CSMD1: variants seen among roughly 807,000 people sequenced by gnomAD.
CSMD1 encodes CUB and Sushi multiple domains 1.
A neutral mutation model predicts 417.5 loss-of-function variants in CSMD1; 213 were observed. The ratio of observed to expected loss-of-function variants is 0.51; its 90% CI spans 0.46 to 0.57. The LOEUF is 0.57. CSMD1 is among the 20% of genes least tolerant of loss of function. The probability of loss-of-function intolerance (pLI) is 0.00; values close to 1 mark genes in which losing one functional copy is unlikely to be tolerated. For missense variants in CSMD1, 6,923 were observed against 4,529.7 expected (o/e 1.53, Z -15.17); for synonymous variants, 2,862 against 1,736.8 (o/e 1.65, Z -16.11).
chr8:3,308,219 C>T (rs928869498), intron 24 of CSMD1, 93 bp downstream of exon 24: 43 of 955,530 alleles, frequency 4.5e-5, no homozygotes, highest in Non-Finnish European at 6.4e-5. Flanking sequence ...GATAAAATTC[C>T]TCCTCTTTTC....
rs75003838 is a variant in CSMD1 at position 4,394,928 on chromosome 8, C to G, written c.415+25025G>C. Among the ~76,000 whole-genome samples the G allele has an allele frequency of 9.2e-5, 14 of 152,294 alleles. No homozygotes were observed. The East Asian group carries it at 2.7e-3, about 29-fold the overall frequency. ...TTCCTCTACAGCAGGTGCACTGAAT[C>G]TCAACTCACAGCTCAAGAAGTTAAG... On this transcript the variant is annotated intron_variant, in intron 3 of 69. Coordinates refer to ENST00000635120, the MANE Select transcript of CSMD1 (RefSeq NM_033225.6).
intron 1 of CSMD1, among the ~76,000 whole-genome samples, chr8:4,852,179 C>T (rs1454243540): frequency 1.3e-5 from 2 of 152,174 alleles, no homozygotes; most frequent in African/African-American, 4.8e-5. Flanking sequence ...CAGCATTGTT[C>T]TATAACAGTA....
intron 5 of CSMD1, among the ~76,000 whole-genome samples, chr8:3,774,870 G>A (rs1224988027): frequency 6.6e-6 from 1 of 152,116 alleles, no homozygotes; most frequent in East Asian, 1.9e-4. Flanking sequence ...AAACCACACA[G>A]AGTGCTGAGC....
intron 1 of CSMD1, among the ~76,000 whole-genome samples, chr8:4,870,636 G>A (rs560305953): frequency 7.2e-5 from 11 of 152,204 alleles, no homozygotes; most frequent in East Asian, 5.8e-4. Flanking sequence ...AAATCCCAGC[G>A]CACCACGAGT....
intron 1 of CSMD1, among the ~76,000 whole-genome samples, chr8:4,667,915 T>C (rs375585508): frequency 6.6e-6 from 1 of 152,256 alleles, no homozygotes; most frequent in African/African-American, 2.4e-5. Context: ...AGAGTGGCCA[T>C]CTTTGCCTGG....
chr8:4,480,055 T>C (rs1801009634), intron 2 of CSMD1, among the ~76,000 whole-genome samples: 1 of 151,430 alleles, frequency 6.6e-6, no homozygotes, highest in Non-Finnish European at 1.5e-5. Context: ...GAGAATGTGG[T>C]CGTGAGTTCT....
At chr8:3,762,044 A>G (rs540294305) in intron 5 of CSMD1, among the ~76,000 whole-genome samples, 1 of 152,068 alleles carries the variant, frequency 6.6e-6, no homozygotes, top group South Asian at 2.1e-4. Flanking sequence ...GTGCCCTCCT[A>G]TAGTCAATTT....
intron 15 of CSMD1, among the ~76,000 whole-genome samples, chr8:3,400,889 G>T (rs6981303): frequency 0.42 from 63,241 of 150,822 alleles, 13,578 homozygotes; most frequent in Middle Eastern, 0.48. Context: ...AAATATGAAA[G>T]CAGGGTAATT....
chr8:4,446,912 C>A (rs966284287), intron 2 of CSMD1, among the ~76,000 whole-genome samples: 2 of 150,414 alleles, frequency 1.3e-5, no homozygotes, highest in East Asian at 2.0e-4. Flanking sequence ...TGAGCCATTG[C>A]GCCTGGCAGA....
chr8:4,180,677 G>C (rs1366762857), intron 3 of CSMD1, among the ~76,000 whole-genome samples: 2 of 152,126 alleles, frequency 1.3e-5, no homozygotes, highest in Non-Finnish European at 2.9e-5. Flanking sequence ...CTGGCCATAT[G>C]AAAGGCAAGG....
chr8:3,736,998 G>A (rs1349226129), intron 6 of CSMD1, among the ~76,000 whole-genome samples: 2 of 152,140 alleles, frequency 1.3e-5, no homozygotes, highest in African/African-American at 4.8e-5. Context: ...TGATACACAG[G>A]TGACATTCAG....
intron 2 of CSMD1, among the ~76,000 whole-genome samples, chr8:4,438,268 T>C (rs2129649305): frequency 6.6e-6 from 1 of 152,330 alleles, no homozygotes; most frequent in Middle Eastern, 3.4e-3. Flanking sequence ...TCTTTAAGGT[T>C]GAAGAGACCT....
intron 2 of CSMD1, among the ~76,000 whole-genome samples, chr8:4,497,436 T>A (rs563372604): frequency 1.3e-5 from 2 of 152,338 alleles, no homozygotes; most frequent in South Asian, 4.1e-4. Context: ...CGCTTTTCAA[T>A]TTATGCATAA....
intron 3 of CSMD1, among the ~76,000 whole-genome samples, chr8:4,292,459 A>C (rs904435353): frequency 6.6e-6 from 1 of 152,084 alleles, no homozygotes; most frequent in Non-Finnish European, 1.5e-5. Flanking sequence ...TCACCGTGTT[A>C]GTCAGAATGG....
intron 35 of CSMD1, 50 bp downstream of exon 35, chr8:3,188,837 C>G (rs750715366): frequency 1.4e-5 from 20 of 1,414,952 alleles, no homozygotes; most frequent in Middle Eastern, 2.4e-4. Context: ...GAAAGAAGCC[C>G]ATGGACCCCA....
chr8:3,483,679 A>G (rs368345546), intron 11 of CSMD1, among the ~76,000 whole-genome samples: 36 of 152,142 alleles, frequency 2.4e-4, no homozygotes, highest in African/African-American at 7.7e-4. Context: ...AAGGCAGTAC[A>G]AAAAAGAAAG....
In CSMD1 at chr8:3,567,083, A is replaced by G. The variant is rs1799746035; in HGVS notation, c.1344+7862T>C. 3.3e-5 allele frequency among the ~76,000 whole-genome samples: 5 copies of G among 152,260 alleles called. No individual in the cohort carries two copies. The South Asian group carries it at 1.0e-3, about 31-fold the overall frequency. ...AATTGGTACATGTATACCATGGAATACTATGCAGCCATATAAAAAGAATGA... is the reference window on the plus strand; with the variant it reads ...AATTGGTACATGTATACCATGGAATGCTATGCAGCCATATAAAAAGAATGA... On this transcript the variant is annotated intron_variant, in intron 10 of 69. Transcript: ENST00000635120.
intron 5 of CSMD1, among the ~76,000 whole-genome samples, chr8:3,870,342 A>G (rs986384394): frequency 2.6e-5 from 4 of 152,192 alleles, no homozygotes; most frequent in African/African-American, 9.6e-5. Flanking sequence ...GATGATTTGT[A>G]GCACATATGT....
At chr8:3,358,835 T>G (rs1808969271) in intron 21 of CSMD1, among the ~76,000 whole-genome samples, 1 of 149,092 alleles carries the variant, frequency 6.7e-6, no homozygotes, top group Admixed American at 6.7e-5. Context: ...CCAGTTTTTC[T>G]TTTGCTCCAG....
Sources: allele counts gnomAD v4.1 joint callset (sites outside exome capture counted in the v4.1 genomes callset), GRCh38; gene constraint gnomAD v4.1.1; transcripts MANE v1.5; gene names NCBI Gene and HGNC (gene_info 2026-07-23, HGNC 2026-07-21).